PXDN: variants seen among roughly 807,000 people sequenced by gnomAD.
The protein encoded by PXDN is peroxidasin, also known as peroxidasin homolog.
In PXDN, 77 loss-of-function variants were observed where a neutral mutation model predicts 140.3. The ratio of observed to expected loss-of-function variants is 0.55; its 90% CI spans 0.46 to 0.66. The LOEUF (loss-of-function observed/expected upper bound fraction) is 0.66, where lower values mean the gene tolerates loss of function less well. PXDN is among the 30% of genes least tolerant of loss of function. The pLI is 0.00. For synonymous variants in PXDN, 911 were observed against 857.4 expected (o/e 1.06, Z -1.09); for missense variants, 1,838 against 2,039.5 (o/e 0.90, Z 1.90).
intron 1 of PXDN, among the ~76,000 whole-genome samples, chr2:1,719,834 TTGTGTGTGTGTGTGTG>T (rs36227356): frequency 5.5e-5 from 6 of 108,348 alleles, no homozygotes; most frequent in East Asian, 3.8e-4. Flanking sequence ...CATGCGTGCA[TTGTGTGTGTGTGTGTG>T]TGTGTGTGTG....
Position 1,639,559 on chromosome 2 carries a change from G to A in PXDN, c.3953-137C>T. 2.3e-6 allele frequency: 3 copies of A among 1,308,282 alleles called. No homozygotes were observed. Among genetic ancestry groups the A allele is most frequent in the Non-Finnish European group, 3.2e-6 (3 of 939,968 alleles). The allele number at this position is 1,308,282 out of a possible 1,614,324, so 81.0% of individuals were successfully genotyped here. On this transcript the variant is annotated intron_variant, in intron 19 of 22. Coordinates refer to ENST00000252804, the MANE Select transcript of PXDN (RefSeq NM_012293.3). The surrounding 1 kb of genome is among the most constrained non-coding windows in gnomAD (Gnocchi z 5.0). ...TGGCACATTTCAGTGAGGCAACCTG[G>A]CAGCTGGTCTGCGGCTCTTACCCTC...
At position 1,670,294 on chromosome 2, in the gene PXDN, G is replaced by C. The variant is rs1047466258; in HGVS notation, c.1018+3349C>G. ...CATTTAGATCATGGAATTCTATGCA[G>C]CTATACAAAGAAAGAGAGTAAGAAA... On this transcript the variant is annotated intron_variant, in intron 9 of 22. Transcript: ENST00000252804. Among the ~76,000 whole-genome samples, 3 of 152,182 alleles carry C rather than the reference G, an allele frequency of 2.0e-5. No individual in the cohort carries two copies. In the South Asian group the frequency reaches 6.2e-4, roughly 32 times the overall value.
rs1454766341 is a variant in PXDN at position 1,660,529 on chromosome 2, AT to A, written c.1837+351del. ...CTCTTCAAGCAACCATATTTGCCAA[AT>A]TGTAACTGTAAATTACACCTGGTCA... On this transcript the variant is annotated intron_variant, in intron 14 of 22. Coordinates refer to ENST00000252804, the MANE Select transcript of PXDN (RefSeq NM_012293.3). This position sits in a 1 kb window ranked among gnomAD's most constrained non-coding sequence, Gnocchi z 4.6. Among the ~76,000 whole-genome samples the A allele has an allele frequency of 6.6e-6, 1 of 152,228 alleles. No homozygotes were observed. The highest frequency in any genetic ancestry group is 1.5e-5 in the Non-Finnish European group (1 of 68,038).
chr2:1,659,271 T>C (rs899789495), intron 14 of PXDN, among the ~76,000 whole-genome samples: 1 of 152,242 alleles, frequency 6.6e-6, no homozygotes. Flanking sequence ...ATTTGAGGTA[T>C]GTATACATGG....
Position 1,632,537 on chromosome 2 carries a change from T to C in PXDN, c.*1667A>G, listed in dbSNP as rs974274407. 3.9e-5 allele frequency: 6 copies of C among 152,320 alleles called. No individual in the cohort carries two copies. Among genetic ancestry groups the C allele is most frequent in the African/African-American group, 1.4e-4 (6 of 41,568 alleles). The allele number at this position is 152,320 out of a possible 1,614,324, so 9.4% of individuals were successfully genotyped here. A position where few individuals can be genotyped will look rare whatever the true frequency, so the allele number is the denominator to read the frequency against. ...GAGGTTAAGAAGTTAAGACAACCAT[T>C]TTTACAGATAAAACACATGAATCCA... is the stretch of plus-strand genomic sequence containing the variant. On this transcript the variant is annotated 3_prime_UTR_variant, in exon 23 of 23. Coordinates refer to ENST00000252804, the MANE Select transcript of PXDN (RefSeq NM_012293.3). This position sits in a 1 kb window ranked among gnomAD's most constrained non-coding sequence, Gnocchi z 4.3.
rs936882138 is a variant in PXDN at position 1,634,324 on chromosome 2, C to A, written c.4321-1G>T. On this transcript the variant is annotated splice_acceptor_variant, in intron 22 of 22. Coordinates refer to ENST00000252804, the MANE Select transcript of PXDN (RefSeq NM_012293.3). LOFTEE classifies it high-confidence loss of function. Reference sequence around the variant, plus strand: ...CCACGAAGCAGGTGACCTGCCCGTCCTGGAGAAGAGAGACGGAGCACAGCC... The same window carrying A: ...CCACGAAGCAGGTGACCTGCCCGTCATGGAGAAGAGAGACGGAGCACAGCC... 1.9e-6 allele frequency: 3 copies of A among 1,578,596 alleles called. No individual in the cohort carries two copies. The highest frequency in any genetic ancestry group is 2.6e-6 in the Non-Finnish European group (3 of 1,161,718).
chr2:1,670,235 C>T (rs1200594877), intron 9 of PXDN, among the ~76,000 whole-genome samples: 1 of 152,168 alleles, frequency 6.6e-6, no homozygotes, highest in East Asian at 1.9e-4. Flanking sequence ...TCTAAACTCA[C>T]TCCAAAAGAG....
intron 1 of PXDN, among the ~76,000 whole-genome samples, chr2:1,728,948 A>C (rs542900809): frequency 1.3e-5 from 2 of 152,186 alleles, no homozygotes; most frequent in Non-Finnish European, 2.9e-5. Flanking sequence ...GCAGAACAGG[A>C]CCACCATGGC....
At position 1,648,781 on chromosome 2, in the gene PXDN, G is replaced by A. The variant is rs201077249; in HGVS notation, c.2999C>T (p.Thr1000Met). ...GTGCGGGTTCAGCTTGAGCAGCTCC[G>A]TGGCAATGCGGTTGTGCTCGCGGAA... ...LWFREHNRIA[T>M]ELLKLNPHWD... The change falls in exon 17 of 23, where the codon ACG becomes ATG. Residue 1000 changes from threonine (T) to methionine (M), a missense_variant. Physicochemically the swap from Thr to Met is moderately conservative, Grantham distance 81. Transcript: ENST00000252804. This position sits in a 1 kb window ranked among gnomAD's most constrained non-coding sequence, Gnocchi z 8.9. The A allele has an allele frequency of 1.2e-4, 187 of 1,604,100 alleles. 3 individuals are homozygous for A. The Admixed American group carries it at 3.1e-3, about 27-fold the overall frequency.
At chr2:1,725,531 T>A (rs1009345968) in intron 1 of PXDN, among the ~76,000 whole-genome samples, 8 of 152,022 alleles carry the variant, frequency 5.3e-5, no homozygotes, top group Non-Finnish European at 8.8e-5. Flanking sequence ...GGACTTCATG[T>A]CTAAAACACC....
intron 16 of PXDN, among the ~76,000 whole-genome samples, chr2:1,650,072 AC>A (rs1453395947): frequency 3.3e-5 from 5 of 151,868 alleles, no homozygotes; most frequent in African/African-American, 1.2e-4. Flanking sequence ...CAGTCACCAC[AC>A]CTCCACACGA....
At position 1,663,760 on chromosome 2, in the gene PXDN, C is replaced by T; in HGVS notation, c.1412G>A (p.Ser471Asn). 1.2e-6 allele frequency: 2 copies of T among 1,612,314 alleles called. No individual in the cohort carries two copies. Among genetic ancestry groups the T allele is most frequent in the South Asian group, 1.1e-5 (1 of 91,048 alleles). Reference protein sequence around the residue: ...PPVIAWTKGGSQLSVDRRHLV... With the variant: ...PPVIAWTKGGNQLSVDRRHLV... ...GTGCCGCCGGTCCACGGAGAGCTGGCTCCCTGCAAGGGCATGGGCCCGTTA... is the reference window on the plus strand; with the variant it reads ...GTGCCGCCGGTCCACGGAGAGCTGGTTCCCTGCAAGGGCATGGGCCCGTTA... The change falls in exon 12 of 23, where the codon AGC (serine) becomes AAC (asparagine). Residue 471 changes from serine to asparagine, a missense_variant. By Grantham distance (46) the Ser-to-Asn change is conservative. Around this residue, in one of 5 missense-constraint regions of PXDN, gnomAD observed 537 missense variants for 583.9 expected, o/e 0.92. Transcript: ENST00000252804.
chr2:1,666,110 G>A (rs1683428378), intron 10 of PXDN, 104 bp downstream of exon 10: 2 of 1,446,314 alleles, frequency 1.4e-6, no homozygotes, highest in African/African-American at 1.4e-5. Flanking sequence ...GAAGTGGACA[G>A]GGCAGAAGAT....
rs377063890 is a variant in PXDN, at chr2:1,633,970, C to T, written c.*234G>A. The T allele has an allele frequency of 8.9e-6, 4 of 449,698 alleles. No homozygotes were observed. The Admixed American group carries it at 1.1e-4, about 13-fold the overall frequency. 27.9% of individuals were successfully genotyped at this position (449,698 alleles called of 1,614,324 possible). Reference sequence around the variant, plus strand: ...TTAAATAAAAACCTGAGAAGTCTAACGTGAAGCTAGGACTCCTGCCTGCTT... The same window carrying T: ...TTAAATAAAAACCTGAGAAGTCTAATGTGAAGCTAGGACTCCTGCCTGCTT... On this transcript the variant is annotated 3_prime_UTR_variant, in exon 23 of 23. Coordinates refer to ENST00000252804, the MANE Select transcript of PXDN (RefSeq NM_012293.3).
intron 1 of PXDN, among the ~76,000 whole-genome samples, chr2:1,721,332 G>A (rs941667105): frequency 1.3e-5 from 2 of 152,148 alleles, no homozygotes; most frequent in African/African-American, 2.4e-5. Context: ...ACAACGGTAC[G>A]GGTTAATTGA....
chr2:1,671,084 GT>G (rs1310426697), intron 9 of PXDN, among the ~76,000 whole-genome samples: 2 of 150,860 alleles, frequency 1.3e-5, no homozygotes, highest in East Asian at 3.9e-4. Context: ...ATGTTTATAG[GT>G]TTAAAAAAAA....
chr2:1,691,185 T>G (rs774404613), intron 3 of PXDN, among the ~76,000 whole-genome samples: 2 of 152,236 alleles, frequency 1.3e-5, no homozygotes, highest in Non-Finnish European at 2.9e-5. Flanking sequence ...GAAATAATTT[T>G]TATTAAAAAT....
Position 1,649,006 on chromosome 2 carries a change from C to T in PXDN, c.2774G>A (p.Ser925Asn). Residue 925 changes from serine (S) to asparagine (N), a missense_variant, in exon 17 of 23, where the codon AGC becomes AAC. Physicochemically the swap from Ser to Asn is conservative, Grantham distance 46 (BLOSUM62 1). This residue lies in a region of PXDN where 850 missense variants were observed against 894.1 expected (regional missense o/e 0.95). Transcript: ENST00000252804. This position sits in a 1 kb window ranked among gnomAD's most constrained non-coding sequence, Gnocchi z 7.1. ...GCGGTGGCTGGCCAGGTCGCGGATG[C>T]TGCGGGCCTCATGCTCCGTGCTCCC... ...VYGSTEHEARSIRDLASHRGL... is the reference protein window; with the variant it reads ...VYGSTEHEARNIRDLASHRGL... The T allele has an allele frequency of 1.2e-6, 2 of 1,612,532 alleles. No individual in the cohort carries two copies. The highest frequency in any genetic ancestry group is 1.3e-5 in the African/African-American group (1 of 75,052).
chr2:1,666,398 G>GGA lies in PXDN; in HGVS notation c.1106_1107insTC (p.Pro371ArgfsTer20), dbSNP rs1683443850. On this transcript the variant is annotated frameshift_variant, in exon 10 of 23. Coordinates refer to ENST00000252804, the MANE Select transcript of PXDN (RefSeq NM_012293.3). LOFTEE classifies it high-confidence loss of function. ...CTCTCGTCCAGGAGATCCGCGGCGG[G>GGA]GGGTGGCCTGTGGCGCTGCACTCCA... 6.2e-7 allele frequency: 1 copy of GGA among 1,613,772 alleles called. No homozygotes were observed. The highest frequency in any genetic ancestry group is 1.3e-5 in the African/African-American group (1 of 74,946).
Sources: gnomAD v4.1 joint callset for allele counts (sites outside exome capture counted in the v4.1 genomes callset) on GRCh38, gnomAD v4.1.1 for gene constraint, gnomAD v4.1.1 regional missense constraint, Gnocchi (gnomAD v3.1) non-coding constraint, MANE v1.5 for transcripts, NCBI Gene and HGNC (gene_info 2026-07-23, HGNC 2026-07-21) for gene names.